Variants in PAH observed in about 807,000 individuals in gnomAD.
PAH encodes phenylalanine-4-hydroxylase.
Under a neutral mutation model 62.0 loss-of-function variants are expected in PAH, and 64 were observed. That is an observed-to-expected ratio of 1.03 (90% CI 0.84 to 1.27). The LOEUF is 1.27. Ranked by LOEUF, PAH falls within the 50% of genes most tolerant of loss-of-function variation. The pLI is 0.00. For missense variants in PAH, 579 were observed against 542.8 expected, an observed-to-expected ratio of 1.07 and a Z score of -0.66; for synonymous variants, 195 against 196.2, an observed-to-expected ratio of 0.99 and a Z score of 0.05.
Position 102,957,487 on chromosome 12 carries a change from G to A in PAH, c.-96+708C>T, listed in dbSNP as rs536281604. 3.1e-5 allele frequency among the ~76,000 whole-genome samples: 4 copies of A among 128,012 alleles called. No homozygotes were observed. Among genetic ancestry groups the A allele is most frequent in the South Asian group, 4.6e-4 (2 of 4,352 alleles). The allele number at this position is 128,012 out of a possible 152,430, so 84.0% of individuals were successfully genotyped here. Reference sequence around the variant, plus strand: ...TTTGCAAGGAGCGGGAGAAAGGAACGGGAGGGGGGGAGAGGAGAGGAGGAG... The same window carrying A: ...TTTGCAAGGAGCGGGAGAAAGGAACAGGAGGGGGGGAGAGGAGAGGAGGAG... On this transcript the variant is annotated intron_variant, in intron 1 of 4. Transcript: ENST00000551337. This position sits in a 1 kb window ranked among gnomAD's most constrained non-coding sequence, Gnocchi z 4.1.
At position 102,917,009 on chromosome 12, in the gene PAH, G is replaced by A. The variant is rs1522296; in HGVS notation, c.60+62C>T. 472,852 of 1,451,900 alleles carry A rather than the reference G, an allele frequency of 0.33. 80,966 individuals are homozygous for A. The highest frequency in any genetic ancestry group is 0.51 in the Admixed American group (30,646 of 59,792). The allele number at this position is 1,451,900 out of a possible 1,614,324, so 89.9% of individuals were successfully genotyped here. On this transcript the variant is annotated intron_variant, in intron 1 of 12. Coordinates refer to ENST00000553106, the MANE Select transcript of PAH (RefSeq NM_000277.3). ...AAACCAGGAAGCACCAGCAGTCTTC[G>A]GATCTCTTTCTCTGGAGGCCCAAAT...
chr12:102,946,367 T>C (rs1323494875), intron 1 of PAH, among the ~76,000 whole-genome samples: 1 of 152,238 alleles, frequency 6.6e-6, no homozygotes, highest in Non-Finnish European at 1.5e-5. Context: ...CTAGACTGCC[T>C]TTTGAGTTTC....
chr12:102,927,613 G>A (rs1878722169), intron 1 of PAH, among the ~76,000 whole-genome samples: 1 of 151,634 alleles, frequency 6.6e-6, no homozygotes, highest in Non-Finnish European at 1.5e-5. Context: ...TTCAGCTCAG[G>A]GAAAATAATT....
intron 1 of PAH, among the ~76,000 whole-genome samples, chr12:102,956,313 G>T (rs1465126492): frequency 2.6e-5 from 4 of 152,198 alleles, no homozygotes; most frequent in African/African-American, 7.2e-5. Context: ...TGCTTTCTCC[G>T]CAGCGCCGCG....
intron 5 of PAH, among the ~76,000 whole-genome samples, chr12:102,862,808 T>C (rs1200635634): frequency 6.6e-6 from 1 of 152,114 alleles, no homozygotes; most frequent in Non-Finnish European, 1.5e-5. Flanking sequence ...TTGTACCTCA[T>C]CCAAACACAT....
At chr12:102,942,071 G>T (rs1252263866) in intron 1 of PAH, among the ~76,000 whole-genome samples, 1 of 152,170 alleles carries the variant, frequency 6.6e-6, no homozygotes, top group Non-Finnish European at 1.5e-5. Flanking sequence ...GTCCTAGCCA[G>T]AGTAATCAGG....
At chr12:102,921,872 C>CCTT (rs1565876716), upstream of PAH, among the ~76,000 whole-genome samples, 1 of 152,062 alleles carries the variant, frequency 6.6e-6, no homozygotes, top group Non-Finnish European at 1.5e-5. Context: ...GAAAGTTATC[C>CCTT]CTTATATTTT....
chr12:102,947,406 G>A (rs1055881148), intron 1 of PAH, among the ~76,000 whole-genome samples: 1 of 152,170 alleles, frequency 6.6e-6, no homozygotes, highest in Non-Finnish European at 1.5e-5. Context: ...TACATCCATG[G>A]AATATTCCAG....
rs1166069532 is a variant in PAH, at chr12:102,899,858, C to CAAAAAAAAA, written c.169-4949_169-4941dup. ...TGGGCGACAGAGCGAGACTCCGTCT[C>CAAAAAAAAA]AAAAAAAAAAAAAAAAAAAAAAAAA... On this transcript the variant is annotated intron_variant, in intron 2 of 12. Transcript: ENST00000553106. Among the ~76,000 whole-genome samples the CAAAAAAAAA allele has an allele frequency of 3.1e-3, 30 of 9,538 alleles. 1 individual carries two copies. The highest frequency in any genetic ancestry group is 8.3e-3 in the African/African-American group (25 of 3,008). 6.3% of individuals were successfully genotyped at this position (9,538 alleles called of 152,430 possible).
intron 3 of PAH, among the ~76,000 whole-genome samples, chr12:102,887,823 G>A (rs1170617811): frequency 6.6e-6 from 1 of 152,060 alleles, no homozygotes; most frequent in Non-Finnish European, 1.5e-5. Flanking sequence ...CCTGGCTCTT[G>A]ACTCTAAATT....
At chr12:102,860,664 C>G (rs541547482) in intron 5 of PAH, among the ~76,000 whole-genome samples, 1 of 152,128 alleles carries the variant, frequency 6.6e-6, no homozygotes, top group Non-Finnish European at 1.5e-5. Flanking sequence ...AAACAGAGCC[C>G]TCATTAATAA....
rs62508717 is a variant in PAH at position 102,843,728 on chromosome 12, C to T, written c.1117G>A (p.Ala373Thr). 6.2e-7 allele frequency: 1 copy of T among 1,613,738 alleles called. No individual in the cohort carries two copies. Among genetic ancestry groups the T allele is most frequent in the East Asian group, 2.2e-5 (1 of 44,866 alleles). Residue 373 changes from alanine to threonine, a missense_variant, in exon 11 of 13, where the codon GCC becomes ACC. Transcript: ENST00000553106. ...TCCGTGACAGTGTAATTTTGGATGGCTGTCTTCTCCAGCTCCAGGGGGAGA... is the reference window on the plus strand; with the variant it reads ...TCCGTGACAGTGTAATTTTGGATGGTTGTCTTCTCCAGCTCCAGGGGGAGA... ...KLLPLELEKTAIQNYTVTEFQ... is the reference protein window; with the variant it reads ...KLLPLELEKTTIQNYTVTEFQ...
At chr12:102,866,730 C>T (rs555820410) in intron 4 of PAH, 67 bp from the exon 5 acceptor site, 1 of 1,259,902 alleles carries the variant, frequency 7.9e-7, no homozygotes, top group Non-Finnish European at 1.2e-6. Flanking sequence ...TTTATGAATG[C>T]TTTGAATGGG....
intron 3 of PAH, among the ~76,000 whole-genome samples, chr12:102,892,941 G>C (rs1877336631): frequency 6.6e-6 from 1 of 152,050 alleles, no homozygotes. Context: ...ATAAACTATG[G>C]ACTTCAATTA....
chr12:102,898,396 A>T (rs1340889236), intron 2 of PAH, among the ~76,000 whole-genome samples: 1 of 152,252 alleles, frequency 6.6e-6, no homozygotes, highest in East Asian at 1.9e-4. Flanking sequence ...ACCAAGGAGT[A>T]TCATATACAC....
At chr12:102,858,962 A>T (rs1875578642) in intron 5 of PAH, among the ~76,000 whole-genome samples, 2 of 152,224 alleles carry the variant, frequency 1.3e-5, no homozygotes, top group African/African-American at 2.4e-5. Context: ...AAGGCAAGAA[A>T]TAACTGAGAT....
At chr12:102,893,181 C>G (rs1205863113) in intron 3 of PAH, among the ~76,000 whole-genome samples, 2 of 152,112 alleles carry the variant, frequency 1.3e-5, no homozygotes, top group Non-Finnish European at 2.9e-5. Flanking sequence ...GGGTGGTTCA[C>G]CTGAGGTCGA....
At chr12:102,921,332 C>G (rs1878546677), upstream of PAH, among the ~76,000 whole-genome samples, 3 of 152,090 alleles carry the variant, frequency 2.0e-5, no homozygotes, top group Admixed American at 1.3e-4. Context: ...AATAGTTTAT[C>G]ATCATATTTT....
chr12:102,863,460 G>A lies in PAH; in HGVS notation c.509+3136C>T, dbSNP rs537595459. On this transcript the variant is annotated intron_variant, in intron 5 of 12. Transcript: ENST00000553106. The stretch of plus-strand genomic sequence containing the variant: ...AGGAGAGACTCCACTCCTACCTTCA[G>A]AAGTGGGCATGTGACCAGACTAAGC... Among the ~76,000 whole-genome samples, 124 of 152,274 alleles carry A rather than the reference G, an allele frequency of 8.1e-4. 1 individual carries two copies. The highest frequency in any genetic ancestry group is 1.4e-3 in the Non-Finnish European group (96 of 68,010).
Sources: gnomAD v4.1 joint callset for allele counts (sites outside exome capture counted in the v4.1 genomes callset) on GRCh38, gnomAD v4.1.1 for gene constraint, Gnocchi (gnomAD v3.1) non-coding constraint, MANE v1.5 for transcripts, NCBI Gene and HGNC (gene_info 2026-07-23, HGNC 2026-07-21) for gene names.